Variants in ASH1L observed in about 807,000 individuals in gnomAD.
The protein encoded by ASH1L is ASH1 like histone lysine methyltransferase.
A neutral mutation model predicts 269.0 loss-of-function variants in ASH1L; 23 were observed. That is an observed-to-expected ratio of 0.09 (90% CI 0.06 to 0.12). ASH1L has a LOEUF of 0.12. Ranked by LOEUF, ASH1L falls within the 10% of genes least tolerant of loss-of-function variation. The pLI is 1.00. For missense variants in ASH1L, 2,912 were observed against 3,567.8 expected, an observed-to-expected ratio of 0.82 and a Z score of 4.68; for synonymous variants, 1,187 against 1,253.5, an observed-to-expected ratio of 0.95 and a Z score of 1.12.
intron 5 of ASH1L, among the ~76,000 whole-genome samples, chr1:155,425,893 T>TG (rs1247060431): frequency 2.2e-5 from 2 of 92,904 alleles, no homozygotes; most frequent in Non-Finnish European, 3.0e-5. Context: ...TTTTTTGTGG[T>TG]GTTTTTTTTT....
At chr1:155,558,905 G>A (rs1361421885) in intron 1 of ASH1L, among the ~76,000 whole-genome samples, 1 of 147,320 alleles carries the variant, frequency 6.8e-6, no homozygotes, top group Non-Finnish European at 1.5e-5. Context: ...GCGTACAGTG[G>A]TGGATCTCGG....
rs936196901 is a variant in ASH1L, at chr1:155,343,128, T to C, written c.8293+186A>G. On this transcript the variant is annotated intron_variant, in intron 24 of 27. Coordinates refer to ENST00000392403, the MANE Select transcript of ASH1L (RefSeq NM_018489.3). The surrounding 1 kb of genome is among the most constrained non-coding windows in gnomAD (Gnocchi z 6.1). ...CCAGGCTCAGCAATCCTCCCAGTAGTTGGGACTACAGGCCTACACTGCCAT... is the reference window on the plus strand; with the variant it reads ...CCAGGCTCAGCAATCCTCCCAGTAGCTGGGACTACAGGCCTACACTGCCAT... 2.8e-5 allele frequency: 16 copies of C among 570,094 alleles called. No individual in the cohort carries two copies. The highest frequency in any genetic ancestry group is 1.4e-4 in the Admixed American group (4 of 28,972). The allele number at this position is 570,094 out of a possible 1,614,324, so 35.3% of individuals were successfully genotyped here. A position where few individuals can be genotyped will look rare whatever the true frequency, so the allele number is the denominator to read the frequency against.
intron 1 of ASH1L, among the ~76,000 whole-genome samples, chr1:155,533,066 T>C (rs1051398343): frequency 6.6e-6 from 1 of 151,730 alleles, no homozygotes; most frequent in African/African-American, 2.4e-5. Flanking sequence ...AATCATTTTA[T>C]ATGTAAATAC....
At chr1:155,345,347 A>C (rs1295117269) in intron 21 of ASH1L, among the ~76,000 whole-genome samples, 1 of 149,110 alleles carries the variant, frequency 6.7e-6, no homozygotes, top group Non-Finnish European at 1.5e-5. Flanking sequence ...CACCCGGCTA[A>C]TTTTTTTTGC....
At position 155,352,819 on chromosome 1, in the gene ASH1L, C is replaced by T; in HGVS notation, c.7253G>A (p.Arg2418Gln). The T allele has an allele frequency of 1.2e-6, 2 of 1,613,774 alleles. No individual in the cohort carries two copies. Among genetic ancestry groups the T allele is most frequent in the Non-Finnish European group, 1.7e-6 (2 of 1,179,886 alleles). Residue 2418 changes from arginine (R) to glutamine (Q), a missense_variant, in exon 17 of 28, where the codon CGA becomes CAA. Coordinates refer to ENST00000392403, the MANE Select transcript of ASH1L (RefSeq NM_018489.3). ...MTQFSALQTA[R>Q]SVRTRRLAAA... is the part of the protein sequence containing the mutation. ...TGCCAACCGTCTTGTTCGAACAGAT[C>T]GAGCTGTCTGCAGGGCAGAGAACTG...
intron 1 of ASH1L, among the ~76,000 whole-genome samples, chr1:155,522,067 A>T: frequency 6.6e-6 from 1 of 152,222 alleles, no homozygotes; most frequent in Non-Finnish European, 1.5e-5. Context: ...TGATTATTAC[A>T]CATTGTATGC....
At chr1:155,508,421 T>C (rs1667952210) in intron 2 of ASH1L, among the ~76,000 whole-genome samples, 1 of 152,148 alleles carries the variant, frequency 6.6e-6, no homozygotes, top group Non-Finnish European at 1.5e-5. Context: ...GGCAGATAAC[T>C]TGAGGCCAGG....
At chr1:155,417,501 GA>G (rs879651619) in intron 5 of ASH1L, among the ~76,000 whole-genome samples, 14 of 152,164 alleles carry the variant, frequency 9.2e-5, no homozygotes, top group Admixed American at 9.2e-4. Flanking sequence ...GGAACTACCA[GA>G]AAACTGTAAC....
chr1:155,487,253 T>C (rs914353052), intron 2 of ASH1L, among the ~76,000 whole-genome samples: 26 of 152,084 alleles, frequency 1.7e-4, no homozygotes, highest in African/African-American at 5.3e-4. Flanking sequence ...ACTTCATTTA[T>C]ATAAAGACCA....
chr1:155,556,401 C>CGTGTGTGTGTGTGTGT (rs71080711), intron 1 of ASH1L, among the ~76,000 whole-genome samples: 1 of 140,458 alleles, frequency 7.1e-6, no homozygotes, highest in African/African-American at 2.7e-5. Flanking sequence ...CATATATATA[C>CGTGTGTGTGTGTGTGT]GTGTGTGTGT....
At chr1:155,506,514 T>C (rs530148150) in intron 2 of ASH1L, among the ~76,000 whole-genome samples, 3 of 151,986 alleles carry the variant, frequency 2.0e-5, no homozygotes, top group South Asian at 2.1e-4. Context: ...CTGGCCAACA[T>C]AGCAAAACCC....
intron 3 of ASH1L, among the ~76,000 whole-genome samples, chr1:155,477,241 ATTCT>A (rs1665626050): frequency 6.6e-6 from 1 of 152,176 alleles, no homozygotes; most frequent in Non-Finnish European, 1.5e-5. Flanking sequence ...AAGATGTACA[ATTCT>A]TTCTAGATGT....
In ASH1L at chr1:155,478,243, G is replaced by T; in HGVS notation, c.4627C>A (p.Leu1543Ile). ...KHRCHMSCPH[L>I]SPSKSLINRE... ...TTTATTAAGCTTTTTGAAGGAGAGAGATGAGGGCAGGACATGTGACAACGG... is the reference window on the plus strand; with the variant it reads ...TTTATTAAGCTTTTTGAAGGAGAGATATGAGGGCAGGACATGTGACAACGG... Residue 1543 changes from leucine to isoleucine, a missense_variant, in exon 3 of 28, where the codon CTC becomes ATC. Leu to Ile is a conservative substitution (Grantham distance 5). Transcript: ENST00000392403. The surrounding 1 kb of genome is among the most constrained non-coding windows in gnomAD (Gnocchi z 4.6). The T allele has an allele frequency of 6.2e-7, 1 of 1,614,172 alleles. No individual in the cohort carries two copies. Among genetic ancestry groups the T allele is most frequent in the Non-Finnish European group, 8.5e-7 (1 of 1,180,034 alleles).
chr1:155,344,134 A>G, intron 22 of ASH1L, 49 bp downstream of exon 22: 3 of 1,504,442 alleles, frequency 2.0e-6, no homozygotes, highest in East Asian at 2.3e-5. Context: ...ACTTCCTACT[A>G]TTCAGAAAGG....
Position 155,346,328 on chromosome 1 carries a change from C to A in ASH1L, c.7890+55G>T, listed in dbSNP as rs777722975. 42 of 1,563,300 alleles carry A rather than the reference C, an allele frequency of 2.7e-5. No homozygotes were observed. The South Asian group carries it at 4.4e-4, about 17-fold the overall frequency. ...AAGCAGGAGCAGGACAGGTGAGATA[C>A]CATGTGCTACCTCTCCTACTTATAG... On this transcript the variant is annotated intron_variant, in intron 21 of 27. Transcript: ENST00000392403.
At chr1:155,507,560 T>C (rs558738298) in intron 2 of ASH1L, among the ~76,000 whole-genome samples, 18 of 152,082 alleles carry the variant, frequency 1.2e-4, no homozygotes, top group African/African-American at 4.1e-4. Flanking sequence ...AATCTGCTCA[T>C]CATAATCATG....
intron 6 of ASH1L, among the ~76,000 whole-genome samples, chr1:155,413,745 A>C (rs1659988812): frequency 6.6e-6 from 1 of 152,144 alleles, no homozygotes; most frequent in African/African-American, 2.4e-5. Context: ...ATGCATAATT[A>C]GTGCTGAGAT....
chr1:155,337,048 T>C lies in ASH1L; in HGVS notation c.*612A>G, dbSNP rs756308499. 6.6e-6 allele frequency: 1 copy of C among 151,842 alleles called. No homozygotes were observed. Among genetic ancestry groups the C allele is most frequent in the East Asian group, 1.9e-4 (1 of 5,322 alleles). 9.4% of individuals were successfully genotyped at this position (151,842 alleles called of 1,614,324 possible). On this transcript the variant is annotated 3_prime_UTR_variant, in exon 28 of 28. Transcript: ENST00000392403. The stretch of plus-strand genomic sequence containing the variant: ...TATCCCATGATTCCATTTTGGGGAG[T>C]AGAGGTAGGGAGGGGGCAGCAGTTA...
At position 155,380,119 on chromosome 1, in the gene ASH1L, G is replaced by A; in HGVS notation, c.6104-3C>T. On this transcript the variant is annotated splice_polypyrimidine_tract_variant and splice_region_variant and intron_variant, in intron 7 of 27. Coordinates refer to ENST00000392403, the MANE Select transcript of ASH1L (RefSeq NM_018489.3). Reference sequence around the variant, plus strand: ...TCTCTTTTGTCTTAGATACTTTCCTGAAACAAAAAACACTATTAATTTCAA... The same window carrying A: ...TCTCTTTTGTCTTAGATACTTTCCTAAAACAAAAAACACTATTAATTTCAA... 1 of 1,607,378 alleles carries A rather than the reference G, an allele frequency of 6.2e-7. No homozygotes were observed. Among genetic ancestry groups the A allele is most frequent in the Non-Finnish European group, 8.5e-7 (1 of 1,174,996 alleles).
Sources: allele counts gnomAD v4.1 joint callset (sites outside exome capture counted in the v4.1 genomes callset), GRCh38; gene constraint gnomAD v4.1.1; non-coding constraint Gnocchi (gnomAD v3.1); transcripts MANE v1.5; gene names NCBI Gene and HGNC (gene_info 2026-07-23, HGNC 2026-07-21).